The following CNTNAP5 variants were observed in gnomAD, a reference collection of about 807,000 sequenced individuals.
CNTNAP5 encodes the protein contactin-associated protein-like 5.
In CNTNAP5, 72 loss-of-function variants were observed where a neutral mutation model predicts 150.2. That is an observed-to-expected ratio of 0.48 (90% CI 0.40 to 0.58). CNTNAP5 has a LOEUF of 0.58. CNTNAP5 is among the 20% of genes least tolerant of loss of function. The probability of loss-of-function intolerance (pLI) is 0.00; values close to 1 mark genes in which losing one functional copy is unlikely to be tolerated. For synonymous variants in CNTNAP5, 672 were observed against 619.8 expected (o/e 1.08, Z -1.25); for missense variants, 1,636 against 1,626.2 (o/e 1.01, Z -0.10).
chr2:124,047,158 AT>A, intron 1 of CNTNAP5, among the ~76,000 whole-genome samples: 1 of 152,316 alleles, frequency 6.6e-6, no homozygotes, highest in East Asian at 1.9e-4. Context: ...ATACCGAGCT[AT>A]TTACATCTAT....
In CNTNAP5 at chr2:124,531,884, C is replaced by T. The variant is rs938429252; in HGVS notation, c.1649+4428C>T. 5.3e-5 allele frequency among the ~76,000 whole-genome samples: 8 copies of T among 152,174 alleles called. No homozygotes were observed. The East Asian group carries it at 1.5e-3, about 29-fold the overall frequency. On this transcript the variant is annotated intron_variant, in intron 10 of 23. Coordinates refer to ENST00000682447, the MANE Select transcript of CNTNAP5 (RefSeq NM_001367498.1). ...TTGGGCCGAGCTTGCTTGAGGCAAT[C>T]CAGGAGCACAGATTCAAGTTGCCCT... is the stretch of plus-strand genomic sequence containing the variant.
chr2:124,173,145 A>C (rs1684973654), intron 1 of CNTNAP5, among the ~76,000 whole-genome samples: 1 of 152,184 alleles, frequency 6.6e-6, no homozygotes, highest in African/African-American at 2.4e-5. Context: ...ATAAGTGATA[A>C]GTGTTGTGTG....
At chr2:124,798,564 C>A (rs142880939) in intron 19 of CNTNAP5, among the ~76,000 whole-genome samples, 1 of 152,326 alleles carries the variant, frequency 6.6e-6, no homozygotes, top group Non-Finnish European at 1.5e-5. Flanking sequence ...AACTGAATAG[C>A]AGTAATTCTT....
At chr2:124,838,129 A>G (rs561890030) in intron 19 of CNTNAP5, among the ~76,000 whole-genome samples, 2 of 152,260 alleles carry the variant, frequency 1.3e-5, no homozygotes, top group African/African-American at 4.8e-5. Context: ...AAAAAATAAT[A>G]ATCAAGATAA....
intron 12 of CNTNAP5, among the ~76,000 whole-genome samples, chr2:124,614,343 G>A (rs1677450813): frequency 6.6e-6 from 1 of 152,156 alleles, no homozygotes; most frequent in Non-Finnish European, 1.5e-5. Context: ...CTTCACTCAA[G>A]AAAGAATTTG....
At chr2:124,061,198 A>G (rs1199393934) in intron 1 of CNTNAP5, among the ~76,000 whole-genome samples, 1 of 152,228 alleles carries the variant, frequency 6.6e-6, no homozygotes, top group Non-Finnish European at 1.5e-5. Flanking sequence ...TTGCCTTGTT[A>G]CTGCATTTCA....
intron 6 of CNTNAP5, among the ~76,000 whole-genome samples, chr2:124,450,094 A>G (rs1237603292): frequency 6.6e-6 from 1 of 152,204 alleles, no homozygotes; most frequent in East Asian, 1.9e-4. Flanking sequence ...TAGAATCTAC[A>G]TTGATTTGCT....
chr2:124,508,877 A>G (rs913685788), intron 8 of CNTNAP5, among the ~76,000 whole-genome samples: 1 of 152,370 alleles, frequency 6.6e-6, no homozygotes, highest in Admixed American at 6.5e-5. Context: ...CTCTTTCCTT[A>G]CATTTCTGAG....
intron 3 of CNTNAP5, among the ~76,000 whole-genome samples, chr2:124,266,458 C>G (rs1687609866): frequency 6.6e-6 from 1 of 152,022 alleles, no homozygotes; most frequent in Non-Finnish European, 1.5e-5. Flanking sequence ...ATTTCGCCTT[C>G]CAAAAAAAAG....
intron 1 of CNTNAP5, among the ~76,000 whole-genome samples, chr2:124,180,872 G>A (rs1057404086): frequency 2.0e-5 from 3 of 147,830 alleles, no homozygotes; most frequent in Non-Finnish European, 4.4e-5. Flanking sequence ...CCTTGAATGG[G>A]GCCCTCAGCT....
chr2:124,604,167 A>G (rs1194283268), intron 11 of CNTNAP5, among the ~76,000 whole-genome samples: 2 of 152,212 alleles, frequency 1.3e-5, no homozygotes, highest in East Asian at 1.9e-4. Context: ...GCATTAAATT[A>G]TAAGCTTAAG....
intron 3 of CNTNAP5, among the ~76,000 whole-genome samples, chr2:124,414,023 C>G (rs889423559): frequency 6.6e-6 from 1 of 151,398 alleles, no homozygotes; most frequent in African/African-American, 2.4e-5. Flanking sequence ...AGTTGTATGT[C>G]AAAGTGCCAT....
At chr2:124,648,264 G>A (rs1403739517) in intron 13 of CNTNAP5, among the ~76,000 whole-genome samples, 4 of 152,172 alleles carry the variant, frequency 2.6e-5, no homozygotes, top group Non-Finnish European at 5.9e-5. Context: ...CTCAAAGAGG[G>A]CATTTGAGCT....
chr2:124,663,385 C>G (rs1372579316), intron 13 of CNTNAP5, among the ~76,000 whole-genome samples: 1 of 151,930 alleles, frequency 6.6e-6, no homozygotes, highest in Non-Finnish European at 1.5e-5. Context: ...CATAAGTTGC[C>G]CCCCAAAAAT....
chr2:124,170,558 G>A (rs1684906906), intron 1 of CNTNAP5, among the ~76,000 whole-genome samples: 1 of 152,174 alleles, frequency 6.6e-6, no homozygotes, highest in South Asian at 2.1e-4. Context: ...GCTTCCCGAT[G>A]CCTCCAGATA....
At chr2:124,509,390 G>C (rs1573423012) in intron 8 of CNTNAP5, among the ~76,000 whole-genome samples, 1 of 151,254 alleles carries the variant, frequency 6.6e-6, no homozygotes, top group Admixed American at 6.6e-5. Context: ...TTTTTTGCAA[G>C]CCTTATGTAT....
At chr2:124,750,551 G>A (rs1680701649) in intron 14 of CNTNAP5, among the ~76,000 whole-genome samples, 1 of 152,168 alleles carries the variant, frequency 6.6e-6, no homozygotes, top group Non-Finnish European at 1.5e-5. Context: ...TGCCTACTGT[G>A]TGCCAGACGG....
intron 1 of CNTNAP5, among the ~76,000 whole-genome samples, chr2:124,108,893 G>T (rs1683228721): frequency 6.6e-6 from 1 of 152,092 alleles, no homozygotes; most frequent in East Asian, 1.9e-4. Context: ...GATATTCTTA[G>T]ACTGTCATTC....
intron 1 of CNTNAP5, among the ~76,000 whole-genome samples, chr2:124,212,948 C>A (rs907249239): frequency 1.4e-5 from 2 of 147,820 alleles, no homozygotes; most frequent in African/African-American, 2.5e-5. Flanking sequence ...ATGCCATTCT[C>A]CTGCCTCAGC....
Sources: gnomAD v4.1 joint callset for allele counts (sites outside exome capture counted in the v4.1 genomes callset) on GRCh38, gnomAD v4.1.1 for gene constraint, MANE v1.5 for transcripts, NCBI Gene and HGNC (gene_info 2026-07-23, HGNC 2026-07-21) for gene names.